MAX: variants seen among roughly 807,000 people sequenced by gnomAD.
MAX encodes the protein protein max.
In MAX, 3 loss-of-function variants were observed where a neutral mutation model predicts 22.3. That is an observed-to-expected ratio of 0.13 (90% CI 0.06 to 0.35). MAX has a LOEUF of 0.35. Ranked by LOEUF, MAX falls within the 10% of genes least tolerant of loss-of-function variation. The pLI, the probability that MAX is intolerant of heterozygous loss-of-function variation, is 1.00. For missense variants in MAX, 119 were observed against 209.4 expected, an observed-to-expected ratio of 0.57 and a Z score of 2.66; for synonymous variants, 72 against 77.7, an observed-to-expected ratio of 0.93 and a Z score of 0.39.
intron 3 of MAX, among the ~76,000 whole-genome samples, chr14:65,063,537 C>G (rs918902273): frequency 6.6e-6 from 1 of 152,144 alleles, no homozygotes; most frequent in Non-Finnish European, 1.5e-5. Context: ...GGTTTCCTGA[C>G]AGCCCTCAAG....
intron 3 of MAX, chr14:65,061,279 G>C (rs763703014): frequency 1.2e-6 from 2 of 1,614,134 alleles, no homozygotes; most frequent in East Asian, 2.2e-5. Flanking sequence ...AGGAGCTTAA[G>C]GATGAGACAT....
chr14:65,026,383 C>G (rs921945997), intron 3 of MAX, among the ~76,000 whole-genome samples: 2 of 152,204 alleles, frequency 1.3e-5, no homozygotes, highest in African/African-American at 2.4e-5. Context: ...AAACAGCTCC[C>G]CTCAGTGAGG....
chr14:65,077,759 C>A lies in MAX; in HGVS notation c.295+154G>T. On this transcript the variant is annotated intron_variant, in intron 4 of 4. Transcript: ENST00000358664. This position sits in a 1 kb window ranked among gnomAD's most constrained non-coding sequence, Gnocchi z 6.3. Reference sequence around the variant, plus strand: ...CCTCAGGTCCTTCCTCAGGACGGCTCTAACACTCAGTTACTCAGGCCCCAA... The same window carrying A: ...CCTCAGGTCCTTCCTCAGGACGGCTATAACACTCAGTTACTCAGGCCCCAA... The A allele has an allele frequency of 6.2e-7, 1 of 1,612,510 alleles. No homozygotes were observed. Among genetic ancestry groups the A allele is most frequent in the Non-Finnish European group, 8.5e-7 (1 of 1,179,582 alleles).
rs374841496 is a variant in MAX at position 65,075,332 on chromosome 14, A to G, written c.*1144T>C. 1.9e-6 allele frequency: 2 copies of G among 1,062,994 alleles called. No homozygotes were observed. The highest frequency in any genetic ancestry group is 3.3e-5 in the African/African-American group (2 of 60,854). 65.8% of individuals were successfully genotyped at this position (1,062,994 alleles called of 1,614,324 possible). A position where few individuals can be genotyped will look rare whatever the true frequency, so the allele number is the denominator to read the frequency against. The stretch of plus-strand genomic sequence containing the variant: ...AGACAAAGAAATGAGGCCTAAACAC[A>G]CAAAACCCTTCACTGGCATCTGCTG... On this transcript the variant is annotated 3_prime_UTR_variant, in exon 5 of 5. Transcript: ENST00000358664. This position sits in a 1 kb window ranked among gnomAD's most constrained non-coding sequence, Gnocchi z 4.1.
At position 65,014,483 on chromosome 14, in the gene MAX, A is replaced by G. The variant is rs915211608; in HGVS notation, c.172-8199T>C. ...TCTGTCCAGTGCTCTCTTCCCCTAC[A>G]GGTAACCACACACATTCTATATCCC... On this transcript the variant is annotated intron_variant, in intron 3 of 3. Coordinates refer to the MAX transcript ENST00000341653. The surrounding 1 kb of genome is among the most constrained non-coding windows in gnomAD (Gnocchi z 5.1). 1.3e-5 allele frequency among the ~76,000 whole-genome samples: 2 copies of G among 152,182 alleles called. No homozygotes were observed. The highest frequency in any genetic ancestry group is 1.3e-4 in the Admixed American group (2 of 15,274).
At chr14:65,094,978 T>A (rs891519006) in intron 2 of MAX, among the ~76,000 whole-genome samples, 1 of 152,184 alleles carries the variant, frequency 6.6e-6, no homozygotes, top group African/African-American at 2.4e-5. Context: ...ATTCAAAAAA[T>A]GGAACAAGAG....
At position 65,076,441 on chromosome 14, in the gene MAX, C is replaced by T. The variant is rs2139738502; in HGVS notation, c.*35G>A. On this transcript the variant is annotated 3_prime_UTR_variant, in exon 5 of 5. Transcript: ENST00000358664. The surrounding 1 kb of genome is among the most constrained non-coding windows in gnomAD (Gnocchi z 6.6). ...TGAAAGGAGGATGAGACGATGGAGA[C>T]AGACAGTTTTTATTGCTGGCCTGCC... 1 of 1,612,268 alleles carries T rather than the reference C, an allele frequency of 6.2e-7. No individual in the cohort carries two copies. The highest frequency in any genetic ancestry group is 8.5e-7 in the Non-Finnish European group (1 of 1,179,990).
Position 65,093,209 on chromosome 14 carries a change from C to A in MAX, c.171+499G>T, listed in dbSNP as rs550532681. Among the ~76,000 whole-genome samples, 16 of 152,268 alleles carry A rather than the reference C, an allele frequency of 1.1e-4. No individual in the cohort carries two copies. Among genetic ancestry groups the A allele is most frequent in the Admixed American group, 5.2e-4 (8 of 15,306 alleles). ...CCCACAGCTTAAAATGCTCTTTATA[C>A]GCCTTGGAAATAACAATTATTGGGG... On this transcript the variant is annotated intron_variant, in intron 3 of 4. Coordinates refer to ENST00000358664, the MANE Select transcript of MAX (RefSeq NM_002382.5). This position sits in a 1 kb window ranked among gnomAD's most constrained non-coding sequence, Gnocchi z 4.4.
chr14:65,075,247 G>T lies in MAX; in HGVS notation c.*1229C>A. 9.5e-7 allele frequency: 1 copy of T among 1,058,044 alleles called. No individual in the cohort carries two copies. The highest frequency in any genetic ancestry group is 1.6e-5 in the African/African-American group (1 of 60,666). The allele number at this position is 1,058,044 out of a possible 1,614,324, so 65.5% of individuals were successfully genotyped here. On this transcript the variant is annotated 3_prime_UTR_variant, in exon 5 of 5. Transcript: ENST00000358664. This position sits in a 1 kb window ranked among gnomAD's most constrained non-coding sequence, Gnocchi z 4.1. ...ATTTCCATGGAATGGAATCAAACAC[G>T]AACTGAGACTACAGAGTATACACTA...
Position 65,051,720 on chromosome 14 carries a change from G to A in MAX, c.171+41988C>T, listed in dbSNP as rs1026139380. ...TTTATTTTTAGAAATCTTTTCCCCC[G>A]TTTTTCTTTTTTGCTATTTTCTCCA... On this transcript the variant is annotated intron_variant, in intron 3 of 3. Coordinates refer to the MAX transcript ENST00000341653. Among the ~76,000 whole-genome samples, 11 of 150,124 alleles carry A rather than the reference G, an allele frequency of 7.3e-5. No homozygotes were observed. The South Asian group carries it at 1.0e-3, about 14-fold the overall frequency.
chr14:65,089,705 T>A (rs1191188321), intron 3 of MAX, among the ~76,000 whole-genome samples: 1 of 130,960 alleles, frequency 7.6e-6, no homozygotes, highest in Non-Finnish European at 1.6e-5. Flanking sequence ...CACTCCCTAG[T>A]ACCCAAGCAA....
Position 65,044,550 on chromosome 14 carries a change from T to G in MAX, c.172-38266A>C, listed in dbSNP as rs891948705. The G allele has an allele frequency of 2.0e-6, 3 of 1,480,088 alleles. No individual in the cohort carries two copies. The African/African-American group carries it at 4.3e-5, about 21-fold the overall frequency. 91.7% of individuals were successfully genotyped at this position (1,480,088 alleles called of 1,614,324 possible). On this transcript the variant is annotated intron_variant, in intron 3 of 3. Transcript: ENST00000341653. This position sits in a 1 kb window ranked among gnomAD's most constrained non-coding sequence, Gnocchi z 5.5. ...TAGAGGGGTTGAAATGAGCTCTGTC[T>G]ATCCTGGATTTTGAGTGCCCAGTGT...
chr14:65,065,924 G>T (rs531684142), intron 3 of MAX, among the ~76,000 whole-genome samples: 1 of 152,178 alleles, frequency 6.6e-6, no homozygotes, highest in South Asian at 2.1e-4. Context: ...GAGAGCTTAC[G>T]TAAATCACCC....
At chr14:65,070,997 C>A (rs1365409825), downstream of MAX, among the ~76,000 whole-genome samples, 1 of 152,184 alleles carries the variant, frequency 6.6e-6, no homozygotes, top group African/African-American at 2.4e-5. The surrounding 1 kb of genome is among the most constrained non-coding windows in gnomAD (Gnocchi z 4.4). Flanking sequence ...CAAAAGGTAA[C>A]AGATTTGTGG....
chr14:65,082,783 A>G lies in MAX; in HGVS notation c.172-4747T>C, dbSNP rs1738228532. ...ACCCTGTATAAAAAAAAAAAAGTGAAAAATGGTAGTTTGTAATAGCAGGAT... is the reference window on the plus strand; with the variant it reads ...ACCCTGTATAAAAAAAAAAAAGTGAGAAATGGTAGTTTGTAATAGCAGGAT... On this transcript the variant is annotated intron_variant, in intron 3 of 4. Coordinates refer to ENST00000358664, the MANE Select transcript of MAX (RefSeq NM_002382.5). This position sits in a 1 kb window ranked among gnomAD's most constrained non-coding sequence, Gnocchi z 4.8. Among the ~76,000 whole-genome samples the G allele has an allele frequency of 6.6e-6, 1 of 152,228 alleles. No individual in the cohort carries two copies. Among genetic ancestry groups the G allele is most frequent in the Non-Finnish European group, 1.5e-5 (1 of 68,038 alleles).
rs565369397 is a variant in MAX at position 65,088,266 on chromosome 14, C to T, written c.171+5442G>A. 8.5e-5 allele frequency among the ~76,000 whole-genome samples: 13 copies of T among 152,314 alleles called. No homozygotes were observed. Among genetic ancestry groups the T allele is most frequent in the African/African-American group, 3.1e-4 (13 of 41,572 alleles). ...GTAGGTAAGCTGGGTATCTTATTTA[C>T]AGAACATGGAATACCAGTCCTTACC... On this transcript the variant is annotated intron_variant, in intron 3 of 4. Transcript: ENST00000358664. This position sits in a 1 kb window ranked among gnomAD's most constrained non-coding sequence, Gnocchi z 5.2.
At chr14:65,015,593 A>G in intron 3 of MAX, 2 of 1,611,066 alleles carry the variant, frequency 1.2e-6, no homozygotes, top group South Asian at 1.1e-5. Flanking sequence ...GATTGTGAAT[A>G]AGGGATGTTT....
Position 65,078,697 on chromosome 14 carries a change from T to C in MAX, c.172-661A>G, listed in dbSNP as rs2063128898. Among the ~76,000 whole-genome samples, 1 of 152,004 alleles carries C rather than the reference T, an allele frequency of 6.6e-6. No individual in the cohort carries two copies. The highest frequency in any genetic ancestry group is 6.6e-5 in the Admixed American group (1 of 15,260). Reference sequence around the variant, plus strand: ...AGTACATGCCACGTTGCCTGGCTAATTTTTACATTTTTAATAAAGATGGGG... The same window carrying C: ...AGTACATGCCACGTTGCCTGGCTAACTTTTACATTTTTAATAAAGATGGGG... On this transcript the variant is annotated intron_variant, in intron 3 of 4. Coordinates refer to ENST00000358664, the MANE Select transcript of MAX (RefSeq NM_002382.5). The surrounding 1 kb of genome is among the most constrained non-coding windows in gnomAD (Gnocchi z 6.4).
In MAX at chr14:65,054,212, G is replaced by C. The variant is rs529711994; in HGVS notation, c.171+39496C>G. 6.6e-6 allele frequency among the ~76,000 whole-genome samples: 1 copy of C among 151,970 alleles called. No homozygotes were observed. The highest frequency in any genetic ancestry group is 6.6e-5 in the Admixed American group (1 of 15,252). On this transcript the variant is annotated intron_variant, in intron 3 of 3. Transcript: ENST00000341653. This position sits in a 1 kb window ranked among gnomAD's most constrained non-coding sequence, Gnocchi z 4.4. The stretch of plus-strand genomic sequence containing the variant: ...ACTGCAGCCTTCACCTCTTGGGCTC[G>C]AGTGATCCTCCTGCTTCAGCCTCCC...
Sources: gnomAD v4.1 joint callset for allele counts (sites outside exome capture counted in the v4.1 genomes callset) on GRCh38, gnomAD v4.1.1 for gene constraint, Gnocchi (gnomAD v3.1) non-coding constraint, MANE v1.5 for transcripts, NCBI Gene and HGNC (gene_info 2026-07-23, HGNC 2026-07-21) for gene names.